Variants in SLC3A1 observed in about 807,000 individuals in gnomAD.
SLC3A1 encodes the protein amino acid transporter heavy chain SLC3A1.
Under a neutral mutation model 60.3 loss-of-function variants are expected in SLC3A1, and 78 were observed. The ratio of observed to expected loss-of-function variants is 1.29; its 90% CI spans 1.08 to 1.56. The LOEUF is 1.56. Ranked by LOEUF, SLC3A1 falls within the 40% of genes most tolerant of loss-of-function variation. The pLI is 0.00. For missense variants in SLC3A1, 1,172 were observed against 858.9 expected, an observed-to-expected ratio of 1.36 and a Z score of -4.56; for synonymous variants, 392 against 307.9, an observed-to-expected ratio of 1.27 and a Z score of -2.86.
At chr2:44,291,847 T>C (rs1671746366) in intron 4 of SLC3A1, among the ~76,000 whole-genome samples, 1 of 152,110 alleles carries the variant, frequency 6.6e-6, no homozygotes, top group African/African-American at 2.4e-5. Context: ...GCTGGGGAAA[T>C]CCAGCAGAGA....
At chr2:44,297,557 C>T (rs1671885142) in intron 4 of SLC3A1, among the ~76,000 whole-genome samples, 1 of 152,222 alleles carries the variant, frequency 6.6e-6, no homozygotes, top group Non-Finnish European at 1.5e-5. Context: ...AGAGGTGTCT[C>T]CTCTCATGAG....
intron 8 of SLC3A1, 102 bp downstream of exon 8, chr2:44,312,855 G>A: frequency 4.3e-6 from 4 of 921,900 alleles, no homozygotes; most frequent in East Asian, 5.3e-5. Flanking sequence ...CTATTGCATT[G>A]CTGAAAATCA....
At position 44,320,513 on chromosome 2, in the gene SLC3A1, G is replaced by A. The variant is rs955228283; in HGVS notation, c.1932G>A (p.Glu644=). ...GTGGCATTTTTCTGGACAAGGGAGA[G>A]GGACTCATCTTTGAACACAACACGA... ...DTSGIFLDKG[E]GLIFEHNTKN... is the part of the protein sequence containing the mutation. The change falls in exon 10 of 10, where the codon GAG becomes GAA. Residue 644 remains glutamate (E), a synonymous_variant. Transcript: ENST00000260649. The A allele has an allele frequency of 6.2e-7, 1 of 1,614,134 alleles. No homozygotes were observed. The highest frequency in any genetic ancestry group is 1.1e-5 in the South Asian group (1 of 91,086).
rs772132458 is a variant in SLC3A1 at position 44,320,632 on chromosome 2, C to T, written c.2051C>T (p.Ser684Leu). ...YSSVLNILYT[S>L]C Reference sequence around the variant, plus strand: ...AGTGTACTGAACATACTGTATACCTCGTGTTAGGCACCTTTATGAAGAGAT... The same window carrying T: ...AGTGTACTGAACATACTGTATACCTTGTGTTAGGCACCTTTATGAAGAGAT... Residue 684 changes from serine to leucine, a missense_variant, in exon 10 of 10, where the codon TCG becomes TTG. Transcript: ENST00000260649. 9.3e-6 allele frequency: 15 copies of T among 1,612,862 alleles called. 2 individuals are homozygous for T. In the South Asian group the frequency reaches 1.1e-4, roughly 12 times the overall value.
At position 44,275,789 on chromosome 2, in the gene SLC3A1, C is replaced by T; in HGVS notation, c.254C>T (p.Pro85Leu). 1.9e-6 allele frequency: 3 copies of T among 1,614,260 alleles called. No homozygotes were observed. The highest frequency in any genetic ancestry group is 2.2e-5 in the East Asian group (1 of 44,886). The change falls in exon 1 of 10, where the codon CCT becomes CTT. Residue 85 changes from proline (P) to leucine (L), a missense_variant. By Grantham distance (98) the Pro-to-Leu change is moderately conservative. Coordinates refer to ENST00000260649, the MANE Select transcript of SLC3A1 (RefSeq NM_000341.4). ...TCTGGCCAGGCCCGCTACCGCATAC[C>T]TCGGGAGATCCTCTTCTGGCTCACA... ...QFSGQARYRIPREILFWLTVA... is the reference protein window; with the variant it reads ...QFSGQARYRILREILFWLTVA...
rs557110383 is a variant in SLC3A1 at position 44,308,503 on chromosome 2, ATGT to A, written c.1333-4081_1333-4079del. On this transcript the variant is annotated intron_variant, in intron 7 of 9. Transcript: ENST00000260649. ...TTTAGGTCTTTAATTTCTTTTGATG[ATGT>A]TTTGTATTTTTCATTGTACAAGTCT... Among the ~76,000 whole-genome samples, 466 of 152,182 alleles carry A rather than the reference ATGT, an allele frequency of 3.1e-3. 16 individuals carry two copies. The highest frequency in any genetic ancestry group is 7.4e-4 in the Non-Finnish European group (50 of 67,990).
chr2:44,298,742 G>A (rs1366054643), intron 4 of SLC3A1, among the ~76,000 whole-genome samples: 4 of 152,166 alleles, frequency 2.6e-5, no homozygotes, highest in South Asian at 2.1e-4. Context: ...AAATGCCTGG[G>A]AACAAGGCAG....
chr2:44,314,091 T>C (rs1672365452), intron 9 of SLC3A1, 140 bp downstream of exon 9: 3 of 1,541,708 alleles, frequency 1.9e-6, no homozygotes, highest in Non-Finnish European at 8.8e-7. Flanking sequence ...CAGTTTTCCA[T>C]TTGTAAGGAG....
At chr2:44,300,451 T>G (rs1157524943) in intron 5 of SLC3A1, among the ~76,000 whole-genome samples, 1 of 152,198 alleles carries the variant, frequency 6.6e-6, no homozygotes, top group Non-Finnish European at 1.5e-5. Context: ...GAGATGTAAT[T>G]TTTTGTTTTG....
At chr2:44,281,158 G>T (rs1213384230) in intron 2 of SLC3A1, among the ~76,000 whole-genome samples, 44 of 56,228 alleles carry the variant, frequency 7.8e-4, no homozygotes, top group South Asian at 3.0e-3. Context: ...TCCTTTCCCT[G>T]CTTTTTTTTT....
At chr2:44,301,354 G>T in intron 6 of SLC3A1, 1 of 624,306 alleles carries the variant, frequency 1.6e-6, no homozygotes, top group Non-Finnish European at 2.9e-6. Context: ...ATCACACTAC[G>T]TACTTCACAG....
At chr2:44,277,953 C>T (rs925190428) in intron 1 of SLC3A1, among the ~76,000 whole-genome samples, 12 of 152,134 alleles carry the variant, frequency 7.9e-5, no homozygotes, top group Admixed American at 1.3e-4. Context: ...GCCCTCTCTC[C>T]TTCTAAAATG....
intron 9 of SLC3A1, among the ~76,000 whole-genome samples, chr2:44,316,601 C>T (rs1672467040): frequency 6.6e-6 from 1 of 152,174 alleles, no homozygotes; most frequent in South Asian, 2.1e-4. Flanking sequence ...TAAAGGAAGA[C>T]TTTGTCTTCT....
chr2:44,299,435 T>C (rs924341893), intron 4 of SLC3A1, among the ~76,000 whole-genome samples: 3 of 152,250 alleles, frequency 2.0e-5, no homozygotes, highest in Non-Finnish European at 4.4e-5. Flanking sequence ...ACTTGGTTGA[T>C]GGTTGATTCT....
chr2:44,312,975 G>C (rs1336687530), intron 8 of SLC3A1, among the ~76,000 whole-genome samples: 2 of 151,086 alleles, frequency 1.3e-5, no homozygotes, highest in Non-Finnish European at 3.0e-5. Flanking sequence ...AAGTTTCTTG[G>C]GTAGGGCATT....
chr2:44,309,778 T>TA (rs1269113435), intron 7 of SLC3A1, among the ~76,000 whole-genome samples: 1 of 152,196 alleles, frequency 6.6e-6, no homozygotes, highest in Non-Finnish European at 1.5e-5. Flanking sequence ...TTTGTATTTT[T>TA]AGTAGAAATG....
intron 4 of SLC3A1, among the ~76,000 whole-genome samples, chr2:44,298,057 G>A (rs1335170091): frequency 6.6e-6 from 1 of 152,106 alleles, no homozygotes; most frequent in Non-Finnish European, 1.5e-5. Context: ...AAGTTTTTGC[G>A]TGGACATAAG....
At chr2:44,302,105 T>C (rs1465441188) in intron 6 of SLC3A1, among the ~76,000 whole-genome samples, 1 of 136,224 alleles carries the variant, frequency 7.3e-6, no homozygotes, top group Non-Finnish European at 1.7e-5. Context: ...ATTTTTATCA[T>C]TGTTATTGGA....
chr2:44,305,418 C>A (rs1179594417), intron 7 of SLC3A1, among the ~76,000 whole-genome samples: 1 of 129,250 alleles, frequency 7.7e-6, no homozygotes, highest in Non-Finnish European at 1.5e-5. Context: ...GACAACCTTT[C>A]TTTTCTTACT....
Sources: gnomAD v4.1 joint callset for allele counts (sites outside exome capture counted in the v4.1 genomes callset) on GRCh38, gnomAD v4.1.1 for gene constraint, MANE v1.5 for transcripts, NCBI Gene and HGNC (gene_info 2026-07-23, HGNC 2026-07-21) for gene names.